Variants in PLCL2 observed in about 807,000 individuals in gnomAD.
PLCL2 encodes phospholipase C like 2, also known as inactive phospholipase C-like protein 2.
Under a neutral mutation model 79.6 loss-of-function variants are expected in PLCL2, and 4 were observed. The observed-to-expected ratio is 0.05, with a 90% CI of 0.02 to 0.11. PLCL2 has a LOEUF of 0.11. PLCL2 is among the 10% of genes least tolerant of loss of function. PLCL2 has a pLI of 1.00. For missense variants in PLCL2, 895 were observed against 1,291.0 expected (o/e 0.69, Z 4.70); for synonymous variants, 484 against 457.7 (o/e 1.06, Z -0.73).
At chr3:16,919,623 T>C (rs1697076705) in intron 1 of PLCL2, among the ~76,000 whole-genome samples, 1 of 152,186 alleles carries the variant, frequency 6.6e-6, no homozygotes, top group Admixed American at 6.6e-5. Flanking sequence ...TTTAAAGTTG[T>C]GTGCTTAGCT....
intron 5 of PLCL2, among the ~76,000 whole-genome samples, chr3:17,087,670 A>G (rs934265442): frequency 6.6e-6 from 1 of 152,220 alleles, no homozygotes; most frequent in Non-Finnish European, 1.5e-5. Context: ...GGATGTGGCA[A>G]CATAGGTTCA....
chr3:16,945,083 A>G lies in PLCL2; in HGVS notation c.327+59717A>G, dbSNP rs571060233. ...CCTATTCCAGATTTTTTTAAAGCAC[A>G]CATTGCTGTGTGCTTCCCAGTTCCC... On this transcript the variant is annotated intron_variant, in intron 1 of 5. Transcript: ENST00000615277. Among the ~76,000 whole-genome samples the G allele has an allele frequency of 3.3e-5, 5 of 152,242 alleles. No homozygotes were observed. In the East Asian group the frequency reaches 9.7e-4, roughly 29 times the overall value.
intron 1 of PLCL2, among the ~76,000 whole-genome samples, chr3:16,980,101 ACC>A (rs2063969052): frequency 4.0e-5 from 1 of 25,064 alleles, no homozygotes; most frequent in African/African-American, 1.6e-4. Flanking sequence ...GGGGCTGACC[ACC>A]CCACCTCCCT....
chr3:16,930,778 A>G (rs1697374443), intron 1 of PLCL2, among the ~76,000 whole-genome samples: 1 of 152,142 alleles, frequency 6.6e-6, no homozygotes, highest in Admixed American at 6.5e-5. Context: ...AGCATGTCCC[A>G]AATGTTATTC....
intron 5 of PLCL2, among the ~76,000 whole-genome samples, chr3:17,083,343 G>C (rs1402469290): frequency 6.6e-6 from 1 of 152,208 alleles, no homozygotes; most frequent in Non-Finnish European, 1.5e-5. Flanking sequence ...AACAATGAGT[G>C]CATAGACATT....
intron 4 of PLCL2, among the ~76,000 whole-genome samples, chr3:17,063,984 A>G (rs1559536978): frequency 6.6e-6 from 1 of 152,192 alleles, no homozygotes; most frequent in Non-Finnish European, 1.5e-5. Context: ...CACTCTATCT[A>G]GTCTTTAGAC....
rs2064129566 is a variant in PLCL2, at chr3:16,994,116, T to C, written c.328-15558T>C. Among the ~76,000 whole-genome samples, 3 of 152,222 alleles carry C rather than the reference T, an allele frequency of 2.0e-5. No homozygotes were observed. In the South Asian group the frequency reaches 6.2e-4, roughly 32 times the overall value. ...GCAGCATATGCCACTTAAAATACAT[T>C]AATGATGAGATTTTGCTGGTTTTTA... On this transcript the variant is annotated intron_variant, in intron 1 of 5. Transcript: ENST00000615277.
In PLCL2 at chr3:17,010,819, C is replaced by G. The variant is rs200908564; in HGVS notation, c.1473C>G (p.Thr491=). The change falls in exon 2 of 6, where the codon ACC becomes ACG. Residue 491 remains threonine, a synonymous_variant. Transcript: ENST00000615277. The surrounding 1 kb of genome is among the most constrained non-coding windows in gnomAD (Gnocchi z 5.8). ...TAATTTACACAGGCCACACCATGACCTCTCAGATAGTTTTCCGCAGTGTCA... is the reference window on the plus strand; with the variant it reads ...TAATTTACACAGGCCACACCATGACGTCTCAGATAGTTTTCCGCAGTGTCA... ...EPVIYTGHTM[T]SQIVFRSVID... 9.9e-5 allele frequency: 159 copies of G among 1,614,160 alleles called. 1 individual carries two copies. In the East Asian group the frequency reaches 1.7e-3, roughly 17 times the overall value.
At chr3:16,940,707 G>T (rs1289074609) in intron 1 of PLCL2, among the ~76,000 whole-genome samples, 1 of 152,118 alleles carries the variant, frequency 6.6e-6, no homozygotes, top group East Asian at 1.9e-4. Flanking sequence ...TTCAAATCTT[G>T]GCTCTGCTAC....
intron 5 of PLCL2, among the ~76,000 whole-genome samples, chr3:17,068,808 G>GTGTA (rs994325251): frequency 2.4e-4 from 37 of 152,138 alleles, no homozygotes; most frequent in African/African-American, 8.7e-4. Flanking sequence ...AAATAATGCT[G>GTGTA]TGTATGTACC....
At chr3:17,051,627 A>G (rs2064839899) in intron 4 of PLCL2, among the ~76,000 whole-genome samples, 2 of 152,088 alleles carry the variant, frequency 1.3e-5, no homozygotes, top group Non-Finnish European at 2.9e-5. Context: ...GGCTAACTCT[A>G]CTGTTTTGTG....
At chr3:17,041,736 A>T (rs2064723864) in intron 3 of PLCL2, among the ~76,000 whole-genome samples, 1 of 152,166 alleles carries the variant, frequency 6.6e-6, no homozygotes, top group African/African-American at 2.4e-5. Context: ...TGAGCCTAGG[A>T]GTGTAAGACC....
At chr3:16,970,209 C>G (rs2063846175) in intron 1 of PLCL2, among the ~76,000 whole-genome samples, 1 of 151,744 alleles carries the variant, frequency 6.6e-6, no homozygotes, top group Non-Finnish European at 1.5e-5. Context: ...TATCTCTCCC[C>G]CCTCCCCCCA....
At chr3:16,913,997 CT>C (rs1328770448) in intron 1 of PLCL2, among the ~76,000 whole-genome samples, 2 of 152,204 alleles carry the variant, frequency 1.3e-5, no homozygotes, top group East Asian at 3.8e-4. Flanking sequence ...TTGCCAGATT[CT>C]CTGATCCTGG....
At chr3:17,028,428 T>C (rs2064541888) in intron 3 of PLCL2, among the ~76,000 whole-genome samples, 3 of 152,128 alleles carry the variant, frequency 2.0e-5, no homozygotes, top group African/African-American at 7.2e-5. Flanking sequence ...ACCTCCTTCT[T>C]ATACTCGTCA....
intron 1 of PLCL2, among the ~76,000 whole-genome samples, chr3:16,943,965 A>G (rs919601111): frequency 4.6e-5 from 7 of 152,132 alleles, no homozygotes; most frequent in Non-Finnish European, 8.8e-5. Flanking sequence ...GTCACTTTTT[A>G]TTACATATGG....
rs1300283445 is a variant in PLCL2 at position 16,886,036 on chromosome 3, C to A, written c.327+670C>A. Among the ~76,000 whole-genome samples the A allele has an allele frequency of 6.6e-6, 1 of 152,142 alleles. No homozygotes were observed. The highest frequency in any genetic ancestry group is 1.5e-5 in the Non-Finnish European group (1 of 68,040). On this transcript the variant is annotated intron_variant, in intron 1 of 5. Transcript: ENST00000615277. This position sits in a 1 kb window ranked among gnomAD's most constrained non-coding sequence, Gnocchi z 4.2. The stretch of plus-strand genomic sequence containing the variant: ...GCAGGCCTCGAGTACTGTGGAAGTT[C>A]TTTTGGGCAGTTTGCTTGGTTTTGC...
intron 1 of PLCL2, among the ~76,000 whole-genome samples, chr3:16,979,381 G>A (rs375429355): frequency 9.9e-5 from 12 of 121,022 alleles, no homozygotes; most frequent in African/African-American, 1.3e-4. Context: ...GGTGTTTCTC[G>A]CAGAGGGGGA....
chr3:17,079,927 C>A (rs1232550290), intron 5 of PLCL2, among the ~76,000 whole-genome samples: 1 of 152,128 alleles, frequency 6.6e-6, no homozygotes, highest in Non-Finnish European at 1.5e-5. Context: ...TGCCTCGAAC[C>A]ACAGAAACAT....
Sources: allele counts gnomAD v4.1 joint callset (sites outside exome capture counted in the v4.1 genomes callset), GRCh38; gene constraint gnomAD v4.1.1; non-coding constraint Gnocchi (gnomAD v3.1); transcripts MANE v1.5; gene names NCBI Gene and HGNC (gene_info 2026-07-23, HGNC 2026-07-21).